The following CHD9 variants were observed in gnomAD, a reference collection of about 807,000 sequenced individuals.
CHD9 encodes the protein chromodomain helicase DNA binding protein 9.
Under a neutral mutation model 316.1 loss-of-function variants are expected in CHD9, and 77 were observed. That is an observed-to-expected ratio of 0.24 (90% CI 0.20 to 0.29). The LOEUF (loss-of-function observed/expected upper bound fraction) is 0.29. Among genes scored for constraint, CHD9 ranks in the 10% least tolerant of loss-of-function variants. CHD9 has a pLI of 1.00. For missense variants in CHD9, 2,763 were observed against 3,438.1 expected (o/e 0.80, Z 4.91); for synonymous variants, 1,129 against 1,158.3 (o/e 0.97, Z 0.51).
chr16:53,292,232 C>A (rs1166765848), intron 28 of CHD9, among the ~76,000 whole-genome samples: 1 of 152,124 alleles, frequency 6.6e-6, no homozygotes, highest in African/African-American at 2.4e-5. Flanking sequence ...GGAACAGTGC[C>A]TCACCCTGCC....
chr16:53,319,422 G>T (rs1189070377), intron 37 of CHD9, among the ~76,000 whole-genome samples: 2 of 152,110 alleles, frequency 1.3e-5, no homozygotes, highest in Non-Finnish European at 2.9e-5. Context: ...ATATTGTTGG[G>T]TACACCAACT....
chr16:53,224,280 T>G (rs773306749), intron 4 of CHD9, among the ~76,000 whole-genome samples: 5 of 152,168 alleles, frequency 3.3e-5, no homozygotes, highest in Non-Finnish European at 5.9e-5. Context: ...AATGTGGACA[T>G]AAGATTCATT....
intron 8 of CHD9, among the ~76,000 whole-genome samples, chr16:53,229,391 A>G (rs1474870919): frequency 3.3e-5 from 5 of 152,194 alleles, no homozygotes; most frequent in Non-Finnish European, 7.4e-5. Context: ...TATATCAGCA[A>G]AGTTATTCAA....
At position 53,253,829 on chromosome 16, in the gene CHD9, T is replaced by C. The variant is rs532784974; in HGVS notation, c.3862-609T>C. ...ACTTGAGTTGCCATCAACTATAAAA[T>C]CTGTTCATAGGTTTTGTGTCCCTGC... On this transcript the variant is annotated intron_variant, in intron 17 of 38. Coordinates refer to ENST00000447540, the MANE Select transcript of CHD9 (RefSeq NM_001308319.2). 9.2e-5 allele frequency among the ~76,000 whole-genome samples: 14 copies of C among 152,138 alleles called. No homozygotes were observed. The East Asian group carries it at 2.7e-3, about 29-fold the overall frequency.
chr16:53,244,105 A>T (rs1183477786), intron 13 of CHD9, among the ~76,000 whole-genome samples: 1 of 152,132 alleles, frequency 6.6e-6, no homozygotes, highest in Non-Finnish European at 1.5e-5. Flanking sequence ...TAAATAATTT[A>T]TACTACCATT....
chr16:53,134,038 G>GA (rs992312084), intron 1 of CHD9, among the ~76,000 whole-genome samples: 6 of 151,694 alleles, frequency 4.0e-5, no homozygotes, highest in African/African-American at 1.2e-4. Context: ...AAATGTCATA[G>GA]AAAAAAAAGC....
At chr16:53,213,620 AC>A (rs1351580729) in intron 3 of CHD9, among the ~76,000 whole-genome samples, 4 of 152,224 alleles carry the variant, frequency 2.6e-5, no homozygotes, top group African/African-American at 9.6e-5. Context: ...GATGAATTTT[AC>A]TGATTTATTT....
intron 1 of CHD9, among the ~76,000 whole-genome samples, chr16:53,096,057 T>TA (rs1491444300): frequency 7.2e-4 from 91 of 125,960 alleles, no homozygotes; most frequent in East Asian, 4.7e-3. Flanking sequence ...ACTGTGAAGA[T>TA]TTTTTTTTTT....
intron 1 of CHD9, among the ~76,000 whole-genome samples, chr16:53,102,763 T>G (rs2036995399): frequency 6.6e-6 from 1 of 151,980 alleles, no homozygotes; most frequent in African/African-American, 2.4e-5. Flanking sequence ...GGCAGACGGA[T>G]TGCTTGAGCC....
chr16:53,232,176 CCCCA>C (rs1321553919), intron 10 of CHD9, among the ~76,000 whole-genome samples: 1 of 152,010 alleles, frequency 6.6e-6, no homozygotes, highest in Non-Finnish European at 1.5e-5. Flanking sequence ...ATCAGTTTAC[CCCCA>C]TTCCTTTTAC....
chr16:53,120,764 G>C (rs547700157), intron 1 of CHD9, among the ~76,000 whole-genome samples: 1 of 152,364 alleles, frequency 6.6e-6, no homozygotes, highest in Non-Finnish European at 1.5e-5. Context: ...CAGCATGTTG[G>C]GAGTCTGAGG....
chr16:53,250,136 T>G, intron 17 of CHD9, 70 bp downstream of exon 17: 1 of 1,051,296 alleles, frequency 9.5e-7, no homozygotes, highest in Non-Finnish European at 1.4e-6. Flanking sequence ...TTTTTGGTAA[T>G]CCACATCTTT....
chr16:53,092,984 G>A (rs938510112), intron 1 of CHD9, among the ~76,000 whole-genome samples: 5 of 152,122 alleles, frequency 3.3e-5, no homozygotes, highest in Admixed American at 2.0e-4. Context: ...TCACTATGTC[G>A]CCAGGGCTGG....
chr16:53,321,516 T>C lies in CHD9; in HGVS notation c.7714-10T>C, dbSNP rs2057274054. 7 of 1,531,090 alleles carry C rather than the reference T, an allele frequency of 4.6e-6. No homozygotes were observed. The South Asian group carries it at 8.8e-5, about 19-fold the overall frequency. The allele number at this position is 1,531,090 out of a possible 1,614,324, so 94.8% of individuals were successfully genotyped here. ...AGTGTTGTAGTATTTAATCTGTTTC[T>C]AATTTACAGGTTGGAGGTGCATTTG... On this transcript the variant is annotated splice_polypyrimidine_tract_variant and intron_variant, in intron 37 of 38. Coordinates refer to ENST00000447540, the MANE Select transcript of CHD9 (RefSeq NM_001308319.2).
chr16:53,269,977 A>T (rs1395530829), intron 22 of CHD9, among the ~76,000 whole-genome samples: 2 of 152,038 alleles, frequency 1.3e-5, no homozygotes, highest in African/African-American at 2.4e-5. Flanking sequence ...GTTATCAGCC[A>T]GTTGCAGTGT....
intron 1 of CHD9, among the ~76,000 whole-genome samples, chr16:53,060,523 T>C (rs1055451716): frequency 1.1e-4 from 17 of 151,400 alleles, no homozygotes; most frequent in Non-Finnish European, 2.1e-4. Context: ...TTTGGGGGGC[T>C]GAGGTGGGAG....
At chr16:53,294,901 A>G (rs2054640760) in intron 29 of CHD9, among the ~76,000 whole-genome samples, 1 of 152,200 alleles carries the variant, frequency 6.6e-6, no homozygotes, top group Non-Finnish European at 1.5e-5. Flanking sequence ...AGTATAGGTA[A>G]AAAGTGTTAA....
At chr16:53,095,748 G>A (rs191581381) in intron 1 of CHD9, among the ~76,000 whole-genome samples, 17 of 152,222 alleles carry the variant, frequency 1.1e-4, no homozygotes, top group Non-Finnish European at 1.5e-4. Flanking sequence ...CCTGTTAGTG[G>A]ACATTTGGGT....
intron 1 of CHD9, among the ~76,000 whole-genome samples, chr16:53,065,095 T>C (rs2033371195): frequency 6.6e-6 from 1 of 152,200 alleles, no homozygotes; most frequent in African/African-American, 2.4e-5. Flanking sequence ...CTCTTTCTCC[T>C]GTGGGAAAGT....
Sources: allele counts gnomAD v4.1 joint callset (sites outside exome capture counted in the v4.1 genomes callset), GRCh38; gene constraint gnomAD v4.1.1; transcripts MANE v1.5; gene names NCBI Gene and HGNC (gene_info 2026-07-23, HGNC 2026-07-21).